The following RBPJ variants were observed in gnomAD, a reference collection of about 807,000 sequenced individuals.
The protein encoded by RBPJ is recombination signal binding protein for immunoglobulin kappa J region.
In RBPJ, 9 loss-of-function variants were observed where a neutral mutation model predicts 67.8. The observed-to-expected ratio is 0.13, with a 90% CI of 0.08 to 0.23. The LOEUF (loss-of-function observed/expected upper bound fraction) is 0.23. Ranked by LOEUF, RBPJ falls within the 10% of genes least tolerant of loss-of-function variation. The probability of loss-of-function intolerance (pLI) is 1.00; values close to 1 mark genes in which losing one functional copy is unlikely to be tolerated. For synonymous variants in RBPJ, 198 were observed against 203.3 expected, an observed-to-expected ratio of 0.97 and a Z score of 0.22; for missense variants, 305 against 595.6, an observed-to-expected ratio of 0.51 and a Z score of 5.08.
intron 1 of RBPJ, among the ~76,000 whole-genome samples, chr4:26,222,944 A>G (rs2109193674): frequency 6.6e-6 from 1 of 152,040 alleles, no homozygotes; most frequent in Non-Finnish European, 1.5e-5. Flanking sequence ...TCACGAGGTC[A>G]GAAGTTCAAG....
At chr4:26,158,027 A>G in the RBPJ span, among the ~76,000 whole-genome samples, 1 of 152,236 alleles carries the variant, frequency 6.6e-6, no homozygotes. Flanking sequence ...TGACCCAGAG[A>G]ATCATGAGCA....
rs573461506 is a variant in RBPJ at position 26,182,259 on chromosome 4, G to A, written c.-167+18645G>A. On this transcript the variant is annotated intron_variant, in intron 1 of 4. Transcript: ENST00000512351. ...CGGGAGGCTGAGACAGGAGAATGGC[G>A]TGAACCCGGGAGGCGGAGCTTGCAG... is the stretch of plus-strand genomic sequence containing the variant. Among the ~76,000 whole-genome samples the A allele has an allele frequency of 6.5e-3, 987 of 151,972 alleles. 11 individuals carry two copies. Among genetic ancestry groups the A allele is most frequent in the African/African-American group, 0.023 (942 of 41,500 alleles).
At chr4:26,244,542 T>A (rs560337151) in intron 1 of RBPJ, among the ~76,000 whole-genome samples, 1 of 151,788 alleles carries the variant, frequency 6.6e-6, no homozygotes, top group East Asian at 1.9e-4. Flanking sequence ...TACTGCTAAA[T>A]GTAAATGGTT....
At position 26,253,307 on chromosome 4, in the gene RBPJ, C is replaced by CTTT. The variant is rs1182769419; in HGVS notation, c.-167+89713_-167+89715dup. On this transcript the variant is annotated intron_variant, in intron 1 of 4. Coordinates refer to the RBPJ transcript ENST00000512351. ...TATCAGATATCTTAATCTGCTATTTCTTTTTTTTTTTTTTTTTTTTTTGAG... is the reference window on the plus strand; with the variant it reads ...TATCAGATATCTTAATCTGCTATTTCTTTTTTTTTTTTTTTTTTTTTTTTTGAG... Among the ~76,000 whole-genome samples, 771 of 114,404 alleles carry CTTT rather than the reference C, an allele frequency of 6.7e-3. 8 individuals are homozygous for CTTT. Among genetic ancestry groups the CTTT allele is most frequent in the African/African-American group, 9.8e-3 (299 of 30,522 alleles). The allele number at this position is 114,404 out of a possible 152,430, so 75.1% of individuals were successfully genotyped here. A position where few individuals can be genotyped will look rare whatever the true frequency, so the allele number is the denominator to read the frequency against.
At chr4:26,127,803 A>C in the RBPJ span, among the ~76,000 whole-genome samples, 1 of 152,104 alleles carries the variant, frequency 6.6e-6, no homozygotes, top group Non-Finnish European at 1.5e-5. Flanking sequence ...ACATGAGATA[A>C]ATCATTGTGG....
chr4:26,315,167 A>AAAAAAAAAAATATAT (rs1325689348), upstream of RBPJ, among the ~76,000 whole-genome samples: 4 of 74,764 alleles, frequency 5.4e-5, no homozygotes, highest in African/African-American at 2.7e-4. Flanking sequence ...AAAAAAAAAA[A>AAAAAAAAAAATATAT]ATATATATAT....
chr4:26,369,059 G>A (rs1218296030), intron 1 of RBPJ, among the ~76,000 whole-genome samples: 1 of 152,158 alleles, frequency 6.6e-6, no homozygotes, highest in African/African-American at 2.4e-5. Context: ...CCCTGGGACA[G>A]TGAATAGTCA....
At chr4:26,309,869 A>G (rs1463031074) in intron 1 of RBPJ, among the ~76,000 whole-genome samples, 1 of 152,214 alleles carries the variant, frequency 6.6e-6, no homozygotes, top group Non-Finnish European at 1.5e-5. Flanking sequence ...TCAATCACAC[A>G]TGGAAACATT....
chr4:26,373,076 A>T (rs1334934089), intron 1 of RBPJ, among the ~76,000 whole-genome samples: 2 of 152,220 alleles, frequency 1.3e-5, no homozygotes, highest in Admixed American at 6.5e-5. Flanking sequence ...TGATCATTAT[A>T]ATGTAAGTTA....
At chr4:26,323,419 A>T (rs1421706903) in intron 1 of RBPJ, among the ~76,000 whole-genome samples, 2 of 152,218 alleles carry the variant, frequency 1.3e-5, no homozygotes, top group African/African-American at 4.8e-5. Context: ...AAATCGTGTA[A>T]TACTTTTACT....
chr4:26,425,186 G>A (rs1031114259), intron 7 of RBPJ, among the ~76,000 whole-genome samples: 4 of 152,066 alleles, frequency 2.6e-5, no homozygotes, highest in African/African-American at 9.7e-5. Context: ...CGTAATTTTT[G>A]TTAGCTTACT....
intron 1 of RBPJ, among the ~76,000 whole-genome samples, chr4:26,187,461 A>G (rs918516193): frequency 9.1e-6 from 1 of 109,308 alleles, no homozygotes; most frequent in Non-Finnish European, 1.9e-5. Context: ...AAAGAAAAAC[A>G]TCTTCTCGAA....
chr4:26,359,213 A>G (rs1727742027), intron 1 of RBPJ, among the ~76,000 whole-genome samples: 1 of 152,216 alleles, frequency 6.6e-6, no homozygotes, highest in Non-Finnish European at 1.5e-5. Context: ...GTATAAATAG[A>G]CATACAAAAA....
the RBPJ span, among the ~76,000 whole-genome samples, chr4:26,137,586 G>A: frequency 6.6e-6 from 1 of 152,170 alleles, no homozygotes; most frequent in East Asian, 1.9e-4. Context: ...GTACCTCTCC[G>A]AGCCTCTTCG....
chr4:26,242,502 A>G (rs191736272), intron 1 of RBPJ, among the ~76,000 whole-genome samples: 4 of 151,880 alleles, frequency 2.6e-5, no homozygotes, highest in African/African-American at 9.7e-5. Context: ...TGGTCCACAG[A>G]TCCTCAGGAA....
chr4:26,265,083 C>T (rs534173949), intron 1 of RBPJ, among the ~76,000 whole-genome samples: 1 of 152,138 alleles, frequency 6.6e-6, no homozygotes, highest in South Asian at 2.1e-4. Context: ...ATTGAATGAG[C>T]CCAAAGAGCA....
At chr4:26,351,276 A>G (rs1047599224) in intron 1 of RBPJ, among the ~76,000 whole-genome samples, 1 of 152,192 alleles carries the variant, frequency 6.6e-6, no homozygotes, top group Non-Finnish European at 1.5e-5. Context: ...GAGATAGTAA[A>G]AGGGAATTAG....
At chr4:26,213,005 G>C (rs768905476) in intron 1 of RBPJ, among the ~76,000 whole-genome samples, 4 of 152,106 alleles carry the variant, frequency 2.6e-5, no homozygotes, top group African/African-American at 9.7e-5. Flanking sequence ...CTGCACTCAG[G>C]ACCTTCCAGA....
intron 1 of RBPJ, among the ~76,000 whole-genome samples, chr4:26,301,546 G>A (rs1269911411): frequency 6.6e-6 from 1 of 150,990 alleles, no homozygotes; most frequent in Non-Finnish European, 1.5e-5. Context: ...GAGCCAAAAT[G>A]GCGCCACTGC....
Sources: allele counts gnomAD v4.1 joint callset (sites outside exome capture counted in the v4.1 genomes callset), GRCh38; gene constraint gnomAD v4.1.1; transcripts MANE v1.5; gene names NCBI Gene and HGNC (gene_info 2026-07-23, HGNC 2026-07-21).